CACNB4: variants seen among roughly 807,000 people sequenced by gnomAD.
The protein encoded by CACNB4 is calcium voltage-gated channel auxiliary subunit beta 4, also known as voltage-dependent L-type calcium channel subunit beta-4.
Under a neutral mutation model 71.2 loss-of-function variants are expected in CACNB4, and 32 were observed. The ratio of observed to expected loss-of-function variants is 0.45; its 90% CI spans 0.34 to 0.60. The LOEUF is 0.60. Among genes scored for constraint, CACNB4 ranks in the 20% least tolerant of loss-of-function variants. The pLI, the probability that CACNB4 is intolerant of heterozygous loss-of-function variation, is 0.01. For synonymous variants in CACNB4, 231 were observed against 236.9 expected (o/e 0.97, Z 0.23); for missense variants, 464 against 647.9 (o/e 0.72, Z 3.08).
At chr2:151,915,110 G>A (rs937759408) in intron 2 of CACNB4, among the ~76,000 whole-genome samples, 4 of 152,166 alleles carry the variant, frequency 2.6e-5, no homozygotes, top group African/African-American at 9.7e-5. Flanking sequence ...CAGAGACTGC[G>A]GCCACACCTC....
chr2:151,917,391 G>A (rs549520726), intron 2 of CACNB4, among the ~76,000 whole-genome samples: 9 of 152,128 alleles, frequency 5.9e-5, no homozygotes, highest in Admixed American at 6.5e-5. Flanking sequence ...AGGTGAGCTC[G>A]GGTCTAGACA....
chr2:151,848,260 T>TC (rs1230153434), intron 12 of CACNB4, among the ~76,000 whole-genome samples: 1 of 152,198 alleles, frequency 6.6e-6, no homozygotes. Flanking sequence ...AAAGGTGTAG[T>TC]CCCCTTTGGG....
chr2:151,992,450 A>AACAAAAT, intron 2 of CACNB4, among the ~76,000 whole-genome samples: 1 of 152,272 alleles, frequency 6.6e-6, no homozygotes, highest in Non-Finnish European at 1.5e-5. Flanking sequence ...AAAATGCAAG[A>AACAAAAT]GCAACTATAG....
At chr2:152,033,324 C>A (rs1054978182) in intron 2 of CACNB4, among the ~76,000 whole-genome samples, 3 of 152,208 alleles carry the variant, frequency 2.0e-5, no homozygotes, top group Non-Finnish European at 4.4e-5. Flanking sequence ...GCTGCCACCA[C>A]CTCTCTGAAG....
chr2:151,872,373 A>C (rs1369963299), intron 6 of CACNB4, 44 bp downstream of exon 6: 12 of 1,099,030 alleles, frequency 1.1e-5, no homozygotes, highest in African/African-American at 1.6e-5. Context: ...AATATTTTTA[A>C]AAGGAATACA....
intron 2 of CACNB4, among the ~76,000 whole-genome samples, chr2:151,939,634 T>C (rs2099863756): frequency 6.6e-6 from 1 of 152,186 alleles, no homozygotes; most frequent in African/African-American, 2.4e-5. Context: ...TTACGGGCAC[T>C]GCATGCTGGA....
chr2:151,864,102 A>C (rs1397215606), intron 9 of CACNB4, among the ~76,000 whole-genome samples: 1 of 152,170 alleles, frequency 6.6e-6, no homozygotes, highest in Non-Finnish European at 1.5e-5. Context: ...TTTTCTTGCT[A>C]TGCTGAGACC....
chr2:151,833,945 T>C lies in CACNB4; in HGVS notation c.*5174A>G, dbSNP rs2099834343. 1 of 152,028 alleles carries C rather than the reference T, an allele frequency of 6.6e-6. No homozygotes were observed. Among genetic ancestry groups the C allele is most frequent in the Admixed American group, 6.6e-5 (1 of 15,262 alleles). 9.4% of individuals were successfully genotyped at this position (152,028 alleles called of 1,614,324 possible). A position where few individuals can be genotyped will look rare whatever the true frequency, so the allele number is the denominator to read the frequency against. ...TTCATTTTAATAACATCCCAGAAAA[T>C]ATTGTAAGGCATATGAAAAATAGTA... On this transcript the variant is annotated 3_prime_UTR_variant, in exon 14 of 14. Coordinates refer to ENST00000539935, the MANE Select transcript of CACNB4 (RefSeq NM_000726.5).
chr2:151,951,544 G>T (rs576930610), intron 2 of CACNB4, among the ~76,000 whole-genome samples: 21 of 152,192 alleles, frequency 1.4e-4, no homozygotes, highest in Admixed American at 1.2e-3. Context: ...GATGGAACCT[G>T]ATAGTTTAAG....
At chr2:152,016,262 C>T (rs921897279) in intron 2 of CACNB4, among the ~76,000 whole-genome samples, 3 of 152,124 alleles carry the variant, frequency 2.0e-5, no homozygotes, top group African/African-American at 7.2e-5. Flanking sequence ...AGTAAAAAGA[C>T]AAAAGTTCCA....
intron 2 of CACNB4, among the ~76,000 whole-genome samples, chr2:152,092,201 A>G (rs560315774): frequency 1.3e-5 from 2 of 152,342 alleles, no homozygotes; most frequent in South Asian, 2.1e-4. Flanking sequence ...TCTTTCTGCA[A>G]TCTCTTCCTG....
At chr2:152,080,072 A>G (rs1687271814) in intron 2 of CACNB4, among the ~76,000 whole-genome samples, 2 of 152,196 alleles carry the variant, frequency 1.3e-5, no homozygotes, top group African/African-American at 4.8e-5. Context: ...GAAGTATATG[A>G]TAAGAAACAA....
chr2:152,071,038 T>C (rs1686659760), intron 2 of CACNB4, among the ~76,000 whole-genome samples: 1 of 152,270 alleles, frequency 6.6e-6, no homozygotes, highest in East Asian at 1.9e-4. Context: ...AGTGCTGAGA[T>C]TACAGGCGTG....
chr2:151,918,571 C>T (rs567876711), intron 2 of CACNB4, among the ~76,000 whole-genome samples: 5 of 152,222 alleles, frequency 3.3e-5, no homozygotes, highest in Non-Finnish European at 7.3e-5. Context: ...CACTGTTACA[C>T]AAGCACATAG....
chr2:152,081,404 G>A (rs150115647), intron 2 of CACNB4, among the ~76,000 whole-genome samples: 112 of 152,146 alleles, frequency 7.4e-4, no homozygotes, highest in Non-Finnish European at 9.3e-4. Context: ...TGTAATCCTA[G>A]CTACTTTGGA....
chr2:151,978,980 G>A (rs1266571691), intron 2 of CACNB4, among the ~76,000 whole-genome samples: 1 of 151,992 alleles, frequency 6.6e-6, no homozygotes, highest in Non-Finnish European at 1.5e-5. Context: ...CCACCCCACT[G>A]AACGCTGTGT....
At chr2:152,094,843 G>T (rs1396780614) in intron 2 of CACNB4, among the ~76,000 whole-genome samples, 1 of 152,122 alleles carries the variant, frequency 6.6e-6, no homozygotes, top group Non-Finnish European at 1.5e-5. Context: ...TGTAAGAAGG[G>T]CTCTCCTGAA....
At chr2:151,946,772 G>A (rs953888191) in intron 2 of CACNB4, among the ~76,000 whole-genome samples, 9 of 152,052 alleles carry the variant, frequency 5.9e-5, no homozygotes, top group East Asian at 3.9e-4. Context: ...AGAAAACACC[G>A]TCCCAGGGAT....
At chr2:151,916,539 G>A (rs965179003) in intron 2 of CACNB4, among the ~76,000 whole-genome samples, 1 of 152,066 alleles carries the variant, frequency 6.6e-6, no homozygotes, top group African/African-American at 2.4e-5. Flanking sequence ...TAAAATAGTC[G>A]ACTGAAAAAT....
Sources: allele counts gnomAD v4.1 joint callset (sites outside exome capture counted in the v4.1 genomes callset), GRCh38; gene constraint gnomAD v4.1.1; transcripts MANE v1.5; gene names NCBI Gene and HGNC (gene_info 2026-07-23, HGNC 2026-07-21).